Variants in SNX25 observed in about 807,000 individuals in gnomAD.
SNX25 encodes the protein sorting nexin-25.
A neutral mutation model predicts 113.7 loss-of-function variants in SNX25; 62 were observed. The observed-to-expected ratio is 0.55, with a 90% CI of 0.44 to 0.67. The LOEUF (loss-of-function observed/expected upper bound fraction) is 0.67, where lower values mean the gene tolerates loss of function less well. Among genes scored for constraint, SNX25 ranks in the 30% least tolerant of loss-of-function variants. The probability of loss-of-function intolerance (pLI) is 0.00; values close to 1 mark genes in which losing one functional copy is unlikely to be tolerated. For missense variants in SNX25, 1,014 were observed against 1,161.0 expected (o/e 0.87, Z 1.84); for synonymous variants, 421 against 436.2 (o/e 0.97, Z 0.43).
At chr4:185,286,020 C>T (rs1331667354) in intron 5 of SNX25, among the ~76,000 whole-genome samples, 6 of 152,076 alleles carry the variant, frequency 3.9e-5, no homozygotes, top group Admixed American at 3.3e-4. Flanking sequence ...TCAAGCAATC[C>T]TCCCACCTCA....
intron 7 of SNX25, among the ~76,000 whole-genome samples, chr4:185,314,271 T>A (rs1280522831): frequency 2.0e-5 from 3 of 147,636 alleles, no homozygotes; most frequent in Non-Finnish European, 4.4e-5. Context: ...GGAGGATCGC[T>A]TGAGGCCAGG....
At chr4:185,254,553 C>T (rs1171539803) in intron 2 of SNX25, among the ~76,000 whole-genome samples, 1 of 152,170 alleles carries the variant, frequency 6.6e-6, no homozygotes, top group Non-Finnish European at 1.5e-5. Flanking sequence ...TTACTTAGCT[C>T]ATTCCTTGTT....
At chr4:185,206,749 C>A (rs1207620281), upstream of SNX25, among the ~76,000 whole-genome samples, 2 of 150,158 alleles carry the variant, frequency 1.3e-5, no homozygotes, top group African/African-American at 4.9e-5. Flanking sequence ...GATATATGAG[C>A]AGGAATTTAT....
At chr4:185,309,133 T>C (rs1754896097) in intron 6 of SNX25, among the ~76,000 whole-genome samples, 2 of 152,128 alleles carry the variant, frequency 1.3e-5, no homozygotes, top group Non-Finnish European at 2.9e-5. Flanking sequence ...TGGTGCTGAA[T>C]ATGAGCTTGA....
At chr4:185,370,993 G>A (rs2095412884), downstream of SNX25, 3 of 575,546 alleles carry the variant, frequency 5.2e-6, no homozygotes, top group Middle Eastern at 4.6e-4. Flanking sequence ...GAGAAGATGA[G>A]CTTCCCAGAG....
chr4:185,353,476 T>A lies in SNX25; in HGVS notation c.2467-9T>A. 2.5e-6 allele frequency: 4 copies of A among 1,604,746 alleles called. No individual in the cohort carries two copies. The highest frequency in any genetic ancestry group is 3.4e-6 in the Non-Finnish European group (4 of 1,171,804). ...TTATCTGCTTCCTATGACTTTGCTGTATTCCCAGGAGGAGACAGAGGAGGA... is the reference window on the plus strand; with the variant it reads ...TTATCTGCTTCCTATGACTTTGCTGAATTCCCAGGAGGAGACAGAGGAGGA... On this transcript the variant is annotated splice_polypyrimidine_tract_variant and intron_variant, in intron 14 of 18. Transcript: ENST00000652585.
intron 2 of SNX25, among the ~76,000 whole-genome samples, chr4:185,249,278 G>A (rs1180979561): frequency 2.6e-5 from 4 of 152,058 alleles, no homozygotes; most frequent in African/African-American, 4.8e-5. Context: ...TGAGAGTTCC[G>A]GTTGTCTCAT....
At chr4:185,335,890 A>T (rs1273117621) in intron 10 of SNX25, among the ~76,000 whole-genome samples, 2 of 152,184 alleles carry the variant, frequency 1.3e-5, no homozygotes, top group East Asian at 3.9e-4. Context: ...AAATAAAATG[A>T]TCACAGTACT....
intron 2 of SNX25, among the ~76,000 whole-genome samples, chr4:185,248,967 A>G (rs552788280): frequency 2.6e-5 from 4 of 152,314 alleles, no homozygotes; most frequent in African/African-American, 7.2e-5. Context: ...AGATTCATCC[A>G]TATTGTGTAT....
At chr4:185,221,053 GAC>G (rs1739760787) in intron 1 of SNX25, among the ~76,000 whole-genome samples, 1 of 149,794 alleles carries the variant, frequency 6.7e-6, no homozygotes. Context: ...TTTTTTCTGA[GAC>G]AGGATCTGGC....
rs1408638673 is a variant in SNX25 at position 185,341,995 on chromosome 4, A to G, written c.2066A>G (p.Glu689Gly). The G allele has an allele frequency of 1.2e-6, 2 of 1,603,706 alleles. No homozygotes were observed. Reference protein sequence around the residue: ...TSGEVTEENGEQLPCYFVMVS... With the variant: ...TSGEVTEENGGQLPCYFVMVS... ...CCCAAGGTTACAGAAGAGAATGGTG[A>G]GCAATTGCCATGTTACTTTGTCATG... Residue 689 changes from glutamate (E) to glycine (G), a missense_variant, in exon 12 of 19, where the codon GAG becomes GGG. By Grantham distance (98) the Glu-to-Gly change is moderately conservative. Transcript: ENST00000652585.
intron 7 of SNX25, among the ~76,000 whole-genome samples, chr4:185,311,379 T>A (rs1007098626): frequency 8.5e-5 from 13 of 152,216 alleles, no homozygotes; most frequent in Admixed American, 7.2e-4. Context: ...TGACTGTTTT[T>A]GTACTGTAAA....
chr4:185,217,824 G>C (rs975239047), intron 1 of SNX25, among the ~76,000 whole-genome samples: 1 of 152,196 alleles, frequency 6.6e-6, no homozygotes. Context: ...CACAGTGTCT[G>C]TGGAAGGCTG....
At chr4:185,288,632 T>A (rs1751709527) in intron 6 of SNX25, among the ~76,000 whole-genome samples, 1 of 151,412 alleles carries the variant, frequency 6.6e-6, no homozygotes, top group Non-Finnish European at 1.5e-5. Flanking sequence ...GGTGTATATA[T>A]ATATTGCTCT....
At chr4:185,314,982 A>G (rs2095060308) in intron 7 of SNX25, among the ~76,000 whole-genome samples, 1 of 150,972 alleles carries the variant, frequency 6.6e-6, no homozygotes, top group Admixed American at 6.6e-5. Flanking sequence ...TAGTCCCAGC[A>G]CTTTGGGAGG....
chr4:185,257,847 G>C (rs966545513), intron 2 of SNX25, among the ~76,000 whole-genome samples: 4 of 152,182 alleles, frequency 2.6e-5, no homozygotes, highest in African/African-American at 9.7e-5. Context: ...GAAGGCGACT[G>C]GCCACAGGGG....
intron 6 of SNX25, among the ~76,000 whole-genome samples, chr4:185,290,080 G>A (rs976550838): frequency 2.6e-5 from 4 of 152,094 alleles, no homozygotes; most frequent in African/African-American, 9.7e-5. Flanking sequence ...CTTCATGTCT[G>A]TGTTTTCTAT....
At chr4:185,266,265 C>T (rs1748059726) in intron 4 of SNX25, among the ~76,000 whole-genome samples, 1 of 152,126 alleles carries the variant, frequency 6.6e-6, no homozygotes, top group Admixed American at 6.6e-5. Context: ...AGAATGTTGA[C>T]TTTCATCCTT....
chr4:185,268,622 T>C (rs1748477410), intron 5 of SNX25, among the ~76,000 whole-genome samples: 2 of 152,216 alleles, frequency 1.3e-5, no homozygotes, highest in Admixed American at 6.5e-5. Flanking sequence ...TTGGTTGAAA[T>C]TGGGTGTTTG....
Sources: gnomAD v4.1 joint callset for allele counts (sites outside exome capture counted in the v4.1 genomes callset) on GRCh38, gnomAD v4.1.1 for gene constraint, MANE v1.5 for transcripts, NCBI Gene and HGNC (gene_info 2026-07-23, HGNC 2026-07-21) for gene names.